The following PALM2AKAP2 variants were observed in gnomAD, a reference collection of about 807,000 sequenced individuals.
The protein encoded by PALM2AKAP2 is PALM2 and AKAP2 fusion, also known as PALM2-AKAP2 fusion protein.
In PALM2AKAP2, 37 loss-of-function variants were observed where a neutral mutation model predicts 71.5. The ratio of observed to expected loss-of-function variants is 0.52; its 90% CI spans 0.40 to 0.68. The LOEUF (loss-of-function observed/expected upper bound fraction) is 0.68, where lower values mean the gene tolerates loss of function less well. Ranked by LOEUF, PALM2AKAP2 falls within the 30% of genes least tolerant of loss-of-function variation. The probability of loss-of-function intolerance (pLI) is 0.00; values close to 1 mark genes in which losing one functional copy is unlikely to be tolerated. For synonymous variants in PALM2AKAP2, 468 were observed against 478.8 expected (o/e 0.98, Z 0.29); for missense variants, 1,224 against 1,191.8 (o/e 1.03, Z -0.40).
chr9:110,101,729 A>G (rs566649750), intron 1 of PALM2AKAP2, among the ~76,000 whole-genome samples: 2 of 152,332 alleles, frequency 1.3e-5, no homozygotes, highest in East Asian at 1.9e-4. Context: ...GCCTGAAACC[A>G]TCTGCAGCTG....
intron 1 of PALM2AKAP2, among the ~76,000 whole-genome samples, chr9:109,645,137 A>G (rs1827130665): frequency 6.6e-6 from 1 of 152,230 alleles, no homozygotes; most frequent in Admixed American, 6.5e-5. Context: ...CAATTTACAA[A>G]GGAAAGAGGT....
intron 1 of PALM2AKAP2, among the ~76,000 whole-genome samples, chr9:109,716,010 A>C (rs1199068070): frequency 6.6e-6 from 1 of 152,210 alleles, no homozygotes; most frequent in Non-Finnish European, 1.5e-5. Context: ...TGCAGCTGGG[A>C]AATCATAGAA....
chr9:109,816,026 T>G (rs908798236), intron 1 of PALM2AKAP2, among the ~76,000 whole-genome samples: 1 of 152,194 alleles, frequency 6.6e-6, no homozygotes, highest in African/African-American at 2.4e-5. Context: ...GATGTTCTAT[T>G]TATGCTAAGT....
chr9:110,044,344 CTTTTTTT>C (rs57314430), upstream of PALM2AKAP2, among the ~76,000 whole-genome samples: 93 of 80,160 alleles, frequency 1.2e-3, no homozygotes, highest in African/African-American at 3.4e-3. Flanking sequence ...TTCTTTCTTT[CTTTTTTT>C]TTTTTTTTTT....
chr9:109,785,754 C>T (rs1046702653), intron 1 of PALM2AKAP2, among the ~76,000 whole-genome samples: 22 of 152,134 alleles, frequency 1.4e-4, no homozygotes, highest in African/African-American at 5.3e-4. Flanking sequence ...TCCCACAACA[C>T]GTGGGAATTC....
intron 3 of PALM2AKAP2, among the ~76,000 whole-genome samples, chr9:110,168,136 C>T (rs1023564664): frequency 7.9e-5 from 12 of 152,156 alleles, no homozygotes; most frequent in African/African-American, 2.7e-4. Context: ...TTCAAAGAAA[C>T]TTGCAGAACA....
intron 5 of PALM2AKAP2, among the ~76,000 whole-genome samples, chr9:109,925,378 A>T (rs1362670461): frequency 1.3e-5 from 2 of 151,902 alleles, no homozygotes; most frequent in Admixed American, 6.6e-5. Context: ...GGTACCCAGC[A>T]AAGAAGAGTA....
chr9:109,851,081 G>A (rs1344480703), intron 1 of PALM2AKAP2, among the ~76,000 whole-genome samples: 1 of 152,050 alleles, frequency 6.6e-6, no homozygotes, highest in East Asian at 1.9e-4. Context: ...GGAGGATGAG[G>A]CAGGAGAATG....
At chr9:109,723,201 T>C (rs1192566163) in intron 1 of PALM2AKAP2, among the ~76,000 whole-genome samples, 1 of 152,180 alleles carries the variant, frequency 6.6e-6, no homozygotes, top group African/African-American at 2.4e-5. Flanking sequence ...ACTTCTTCAG[T>C]ATCTGCTTAA....
intron 2 of PALM2AKAP2, among the ~76,000 whole-genome samples, chr9:110,150,385 C>T (rs765718057): frequency 6.6e-6 from 1 of 152,140 alleles, no homozygotes; most frequent in Non-Finnish European, 1.5e-5. Flanking sequence ...GGGAAGAGTT[C>T]ACTTTCTTCC....
intron 1 of PALM2AKAP2, among the ~76,000 whole-genome samples, chr9:109,706,143 G>C (rs909794752): frequency 9.2e-5 from 14 of 152,168 alleles, no homozygotes; most frequent in Non-Finnish European, 1.9e-4. Flanking sequence ...CAAAAAACAT[G>C]CCTGGAAAGC....
At chr9:110,054,673 A>T (rs991857201) in intron 1 of PALM2AKAP2, among the ~76,000 whole-genome samples, 1 of 152,092 alleles carries the variant, frequency 6.6e-6, no homozygotes, top group African/African-American at 2.4e-5. Context: ...TCTGGGCTCA[A>T]GTGATCCTCT....
chr9:109,861,617 C>A (rs1285462072), intron 1 of PALM2AKAP2, among the ~76,000 whole-genome samples: 1 of 152,152 alleles, frequency 6.6e-6, no homozygotes, highest in East Asian at 1.9e-4. Context: ...TCTCTTGAGG[C>A]ACACTGCCCC....
At chr9:109,966,044 T>C (rs1157813351) in intron 6 of PALM2AKAP2, among the ~76,000 whole-genome samples, 1 of 152,160 alleles carries the variant, frequency 6.6e-6, no homozygotes, top group Non-Finnish European at 1.5e-5. Flanking sequence ...GTTTTGTTTT[T>C]TGTTGGAGAC....
chr9:109,899,484 C>G (rs1830281287), intron 3 of PALM2AKAP2, among the ~76,000 whole-genome samples: 1 of 152,146 alleles, frequency 6.6e-6, no homozygotes, highest in Non-Finnish European at 1.5e-5. Flanking sequence ...TCCTTCTGAC[C>G]TAACCTCTGC....
intron 1 of PALM2AKAP2, among the ~76,000 whole-genome samples, chr9:109,741,748 T>C (rs1185458267): frequency 6.6e-6 from 1 of 152,232 alleles, no homozygotes; most frequent in African/African-American, 2.4e-5. Context: ...TCTTAGCATT[T>C]AGGTTTTAGC....
intron 1 of PALM2AKAP2, among the ~76,000 whole-genome samples, chr9:109,756,330 G>T (rs886106982): frequency 6.6e-5 from 10 of 152,120 alleles, no homozygotes; most frequent in African/African-American, 2.4e-4. Flanking sequence ...GTATTTATTT[G>T]TATGTGAATG....
exon 4 of PALM2AKAP2, chr9:110,171,095 T>C (rs1350579416): frequency 6.6e-6 from 1 of 152,246 alleles, no homozygotes; most frequent in Non-Finnish European, 1.5e-5. Context: ...TGACTTACCT[T>C]AAAGTTTTTT....
At chr9:109,906,248 G>A (rs1830442951) in intron 3 of PALM2AKAP2, among the ~76,000 whole-genome samples, 1 of 152,208 alleles carries the variant, frequency 6.6e-6, no homozygotes, top group Non-Finnish European at 1.5e-5. Flanking sequence ...ACCCAGGCTG[G>A]AGTGCAGTGG....
Sources: allele counts gnomAD v4.1 joint callset (sites outside exome capture counted in the v4.1 genomes callset), GRCh38; gene constraint gnomAD v4.1.1; transcripts MANE v1.5; gene names NCBI Gene and HGNC (gene_info 2026-07-23, HGNC 2026-07-21).